GRM7: variants seen among roughly 807,000 people sequenced by gnomAD.
GRM7 encodes the protein metabotropic glutamate receptor 7.
Under a neutral mutation model 84.5 loss-of-function variants are expected in GRM7, and 35 were observed. That is an observed-to-expected ratio of 0.41 (90% confidence interval 0.32 to 0.55). GRM7 has a LOEUF of 0.55. GRM7 is among the 20% of genes least tolerant of loss of function. GRM7 has a pLI of 0.19. For synonymous variants in GRM7, 487 were observed against 455.1 expected (o/e 1.07, Z -0.89); for missense variants, 1,003 against 1,194.6 (o/e 0.84, Z 2.36).
chr3:7,362,243 C>T (rs1271041477), intron 4 of GRM7, among the ~76,000 whole-genome samples: 1 of 151,998 alleles, frequency 6.6e-6, no homozygotes, highest in African/African-American at 2.4e-5. Flanking sequence ...ACATCATCAG[C>T]ACTCCAGTAA....
intron 2 of GRM7, among the ~76,000 whole-genome samples, chr3:7,199,586 CT>C: frequency 6.6e-6 from 1 of 152,302 alleles, no homozygotes; most frequent in Admixed American, 6.5e-5. Flanking sequence ...AGCCCAGGGT[CT>C]TTGTTAATGT....
Position 7,452,740 on chromosome 3 carries a change from C to A in GRM7, c.1308C>A (p.Val436=), listed in dbSNP as rs1391254522. The change falls in exon 6 of 10, where the codon GTC becomes GTA. Residue 436 remains valine (V), a synonymous_variant. Transcript: ENST00000357716. ...ATCTCTGTGCTGACTACCGGGGTGT[C>A]TGCCCAGAGATGGAGCAAGCTGGAG... ...NKDLCADYRG[V]CPEMEQAGGK... The A allele has an allele frequency of 6.2e-7, 1 of 1,613,446 alleles. No individual in the cohort carries two copies. The highest frequency in any genetic ancestry group is 8.5e-7 in the Non-Finnish European group (1 of 1,179,566).
At chr3:7,693,550 C>T in intron 9 of GRM7, 1 of 837,926 alleles carries the variant, frequency 1.2e-6, no homozygotes, top group Non-Finnish European at 2.0e-6. Context: ...TCATTTTTGT[C>T]ATGTTTGCAA....
intron 1 of GRM7, among the ~76,000 whole-genome samples, chr3:6,930,477 A>C (rs960794386): frequency 1.4e-4 from 22 of 152,170 alleles, no homozygotes; most frequent in African/African-American, 5.3e-4. Context: ...TTTCCAATTA[A>C]TTATAAGAAC....
At chr3:7,494,357 C>T (rs1309894141) in intron 7 of GRM7, among the ~76,000 whole-genome samples, 1 of 152,182 alleles carries the variant, frequency 6.6e-6, no homozygotes, top group Non-Finnish European at 1.5e-5. Flanking sequence ...ATGTTCCCTA[C>T]AGGTTGCATC....
At chr3:7,153,934 A>G (rs558236050) in intron 2 of GRM7, among the ~76,000 whole-genome samples, 1 of 152,318 alleles carries the variant, frequency 6.6e-6, no homozygotes, top group South Asian at 2.1e-4. Context: ...TCTTAACTAA[A>G]TCCCAAAGGT....
chr3:7,029,309 A>C lies in GRM7; in HGVS notation c.520-117143A>C, dbSNP rs56063823. ...ACAGTGAGACTCTGCCTCAAAAAAA[A>C]AAAAACAAAAAAAAAAAACAAACAA... On this transcript the variant is annotated intron_variant, in intron 1 of 9. Transcript: ENST00000357716. 3.6e-3 allele frequency among the ~76,000 whole-genome samples: 390 copies of C among 107,350 alleles called. 1 individual carries two copies. The highest frequency in any genetic ancestry group is 0.011 in the African/African-American group (375 of 34,510). The allele number at this position is 107,350 out of a possible 152,430, so 70.4% of individuals were successfully genotyped here.
rs539235746 is a variant in GRM7 at position 7,355,742 on chromosome 3, T to A, written c.1033+49090T>A. Among the ~76,000 whole-genome samples the A allele has an allele frequency of 4.6e-5, 7 of 152,160 alleles. No homozygotes were observed. The South Asian group carries it at 1.5e-3, about 32-fold the overall frequency. Reference sequence around the variant, plus strand: ...TCCATCATCAAATGGAAGTCGTGTATCTGTGATCAGGCCTGAGCAGGTTCT... The same window carrying A: ...TCCATCATCAAATGGAAGTCGTGTAACTGTGATCAGGCCTGAGCAGGTTCT... On this transcript the variant is annotated intron_variant, in intron 4 of 9. Coordinates refer to ENST00000357716, the MANE Select transcript of GRM7 (RefSeq NM_000844.4).
intron 1 of GRM7, among the ~76,000 whole-genome samples, chr3:7,036,211 AAAG>A (rs1260681254): frequency 1.3e-5 from 2 of 152,238 alleles, no homozygotes; most frequent in African/African-American, 4.8e-5. Flanking sequence ...AGGAGAGAGA[AAAG>A]AGAGGCTGAT....
chr3:7,209,600 C>A (rs1317831225), intron 2 of GRM7, among the ~76,000 whole-genome samples: 2 of 152,100 alleles, frequency 1.3e-5, no homozygotes, highest in African/African-American at 4.8e-5. Context: ...CTATGGCAGG[C>A]ATAGAGAATG....
At chr3:7,100,199 A>G (rs1699063511) in intron 1 of GRM7, among the ~76,000 whole-genome samples, 1 of 151,526 alleles carries the variant, frequency 6.6e-6, no homozygotes, top group Admixed American at 6.6e-5. Context: ...ATGAACTTTT[A>G]TGTTTCTTGT....
At chr3:7,296,717 C>A (rs754063047) in intron 2 of GRM7, among the ~76,000 whole-genome samples, 9 of 151,612 alleles carry the variant, frequency 5.9e-5, no homozygotes, top group Non-Finnish European at 8.8e-5. Flanking sequence ...TCAGGGTTAC[C>A]CTTCTTTCAT....
At chr3:7,269,603 TA>T (rs1255738244) in intron 2 of GRM7, among the ~76,000 whole-genome samples, 2 of 152,222 alleles carry the variant, frequency 1.3e-5, no homozygotes, top group African/African-American at 4.8e-5. Flanking sequence ...TGATGATTTT[TA>T]GCAAAGGCTG....
intron 7 of GRM7, among the ~76,000 whole-genome samples, chr3:7,469,384 G>T (rs1379415206): frequency 6.6e-6 from 1 of 152,160 alleles, no homozygotes; most frequent in East Asian, 1.9e-4. Flanking sequence ...AGGAGGGAAA[G>T]AAATAGAAGA....
chr3:7,141,665 A>G (rs1445906593), intron 1 of GRM7, among the ~76,000 whole-genome samples: 1 of 152,004 alleles, frequency 6.6e-6, no homozygotes, highest in Non-Finnish European at 1.5e-5. Flanking sequence ...GTATGCTACA[A>G]CTAAGATAGC....
At chr3:7,107,683 A>G (rs1692702771) in intron 1 of GRM7, among the ~76,000 whole-genome samples, 1 of 152,084 alleles carries the variant, frequency 6.6e-6, no homozygotes, top group Non-Finnish European at 1.5e-5. Flanking sequence ...TTCATAATGT[A>G]CTTGATTAAA....
At chr3:7,422,345 G>A (rs950626244) in intron 5 of GRM7, among the ~76,000 whole-genome samples, 9 of 152,064 alleles carry the variant, frequency 5.9e-5, no homozygotes, top group African/African-American at 1.9e-4. Flanking sequence ...TTACAATGAC[G>A]GACATATTTT....
intron 8 of GRM7, among the ~76,000 whole-genome samples, chr3:7,665,421 C>T (rs866448441): frequency 5.9e-5 from 9 of 151,918 alleles, no homozygotes; most frequent in East Asian, 2.0e-4. Flanking sequence ...GTGATCCACC[C>T]GCCTCGGCCT....
At chr3:7,493,395 T>A (rs753149156) in intron 7 of GRM7, among the ~76,000 whole-genome samples, 1 of 151,526 alleles carries the variant, frequency 6.6e-6, no homozygotes, top group Non-Finnish European at 1.5e-5. Context: ...GGTTGATTGA[T>A]CCTTTTTTTT....
Sources: allele counts gnomAD v4.1 joint callset (sites outside exome capture counted in the v4.1 genomes callset), GRCh38; gene constraint gnomAD v4.1.1; transcripts MANE v1.5; gene names NCBI Gene and HGNC (gene_info 2026-07-23, HGNC 2026-07-21).